Variants in FBXL17 observed in about 807,000 individuals in gnomAD.
FBXL17 encodes the protein F-box/LRR-repeat protein 17.
Under a neutral mutation model 66.2 loss-of-function variants are expected in FBXL17, and 22 were observed. That is an observed-to-expected ratio of 0.33 (90% CI 0.24 to 0.47). The LOEUF is 0.47. Among genes scored for constraint, FBXL17 ranks in the 20% least tolerant of loss-of-function variants. The pLI is 1.00. For missense variants in FBXL17, 878 were observed against 948.2 expected (o/e 0.93, Z 0.97); for synonymous variants, 474 against 400.5 (o/e 1.18, Z -2.19).
chr5:108,130,664 T>C (rs1336585224), intron 6 of FBXL17, among the ~76,000 whole-genome samples: 5 of 152,062 alleles, frequency 3.3e-5, no homozygotes, highest in East Asian at 1.9e-4. Flanking sequence ...TCTAGGTTGA[T>C]AGATGTTAAA....
intron 4 of FBXL17, among the ~76,000 whole-genome samples, chr5:108,274,129 A>T (rs933535613): frequency 5.9e-5 from 9 of 152,240 alleles, no homozygotes; most frequent in African/African-American, 2.2e-4. Context: ...ATTGTCATTG[A>T]TAACATCTTA....
chr5:107,880,783 A>C (rs1748762570), intron 8 of FBXL17: 2 of 1,326,824 alleles, frequency 1.5e-6, no homozygotes, highest in Non-Finnish European at 1.9e-6. Flanking sequence ...ACTCTAGTTG[A>C]CTATGTATAT....
At chr5:108,020,673 A>AGT in intron 7 of FBXL17, 1 of 275,924 alleles carries the variant, frequency 3.6e-6, no homozygotes, top group Non-Finnish European at 6.8e-6. Context: ...ATTTTGTGTG[A>AGT]GTGTGTGTGT....
intron 7 of FBXL17, among the ~76,000 whole-genome samples, chr5:107,896,627 TA>T (rs1408073333): frequency 1.3e-5 from 2 of 152,182 alleles, no homozygotes; most frequent in East Asian, 3.9e-4. Flanking sequence ...TCATGGGACA[TA>T]TACAACATGC....
intron 6 of FBXL17, among the ~76,000 whole-genome samples, chr5:108,160,974 C>A (rs191296125): frequency 6.6e-6 from 1 of 152,148 alleles, no homozygotes; most frequent in East Asian, 1.9e-4. Context: ...TGCTTTTGGG[C>A]CTCTGAGAAG....
chr5:108,009,194 CAT>C lies in FBXL17; in HGVS notation c.1822+11729_1822+11730del, dbSNP rs373679985. 3.2e-3 allele frequency among the ~76,000 whole-genome samples: 171 copies of C among 54,100 alleles called. 1 individual carries two copies. Among genetic ancestry groups the C allele is most frequent in the South Asian group, 9.7e-3 (11 of 1,136 alleles). The allele number at this position is 54,100 out of a possible 152,430, so 35.5% of individuals were successfully genotyped here. A position where few individuals can be genotyped will look rare whatever the true frequency, so the allele number is the denominator to read the frequency against. ...GTATGAACATAGTTCATTTGAAAAG[CAT>C]ATATATATATATATATATATATATA... On this transcript the variant is annotated intron_variant, in intron 7 of 8. Transcript: ENST00000542267.
chr5:107,992,039 T>A (rs1753270981), intron 7 of FBXL17, among the ~76,000 whole-genome samples: 1 of 152,126 alleles, frequency 6.6e-6, no homozygotes, highest in Non-Finnish European at 1.5e-5. Flanking sequence ...CCTGTTCACA[T>A]CTAAAATATT....
chr5:108,094,149 C>T (rs367585527), intron 6 of FBXL17, among the ~76,000 whole-genome samples: 7 of 152,218 alleles, frequency 4.6e-5, no homozygotes, highest in South Asian at 4.1e-4. Flanking sequence ...AGGCACAAAA[C>T]GCAATCTATA....
At chr5:107,880,467 C>T (rs1748750678) in intron 8 of FBXL17, 9 of 992,948 alleles carry the variant, frequency 9.1e-6, no homozygotes, top group Non-Finnish European at 1.1e-5. Flanking sequence ...TTCTACAGGC[C>T]TTCCACCAGG....
chr5:107,926,653 A>G (rs960571224), intron 7 of FBXL17, among the ~76,000 whole-genome samples: 1 of 151,840 alleles, frequency 6.6e-6, no homozygotes, highest in African/African-American at 2.4e-5. Flanking sequence ...TAGCTAGCCT[A>G]TGATAGGGAA....
At chr5:108,358,248 C>T (rs917152660) in intron 3 of FBXL17, among the ~76,000 whole-genome samples, 79 of 152,128 alleles carry the variant, frequency 5.2e-4, no homozygotes, top group African/African-American at 1.9e-3. Context: ...GCATTCTTGT[C>T]TTATTCTTGA....
At chr5:108,354,442 C>A (rs1167493035) in intron 3 of FBXL17, among the ~76,000 whole-genome samples, 1 of 150,940 alleles carries the variant, frequency 6.6e-6, no homozygotes, top group African/African-American at 2.4e-5. Context: ...AACTGAAAAT[C>A]AGGAGAAAAA....
chr5:108,061,243 T>C (rs143462367), intron 6 of FBXL17, among the ~76,000 whole-genome samples: 152 of 151,974 alleles, frequency 1.0e-3, no homozygotes, highest in Non-Finnish European at 1.8e-3. Context: ...GCTGAGATCA[T>C]GCCATTGCAC....
chr5:108,314,399 C>A (rs1283110472), intron 4 of FBXL17, among the ~76,000 whole-genome samples: 1 of 151,514 alleles, frequency 6.6e-6, no homozygotes, highest in Non-Finnish European at 1.5e-5. Flanking sequence ...TCTGTGAAAA[C>A]ATAAAATTCC....
chr5:108,093,154 C>T (rs553049350), intron 6 of FBXL17, among the ~76,000 whole-genome samples: 1 of 151,776 alleles, frequency 6.6e-6, no homozygotes, highest in African/African-American at 2.4e-5. Flanking sequence ...TATTAAAATT[C>T]AATGTTTATA....
intron 6 of FBXL17, among the ~76,000 whole-genome samples, chr5:108,039,366 T>C (rs1403481997): frequency 6.6e-6 from 1 of 152,032 alleles, no homozygotes; most frequent in Non-Finnish European, 1.5e-5. Flanking sequence ...CTAGAGGCTG[T>C]TCCAAAAGCT....
intron 7 of FBXL17, among the ~76,000 whole-genome samples, chr5:107,940,640 A>G (rs1751060600): frequency 6.6e-6 from 1 of 152,130 alleles, no homozygotes; most frequent in Admixed American, 6.6e-5. Context: ...TGTACAGGAG[A>G]GTAGCATGAG....
chr5:108,113,447 T>C (rs1750119477), intron 6 of FBXL17, among the ~76,000 whole-genome samples: 1 of 152,144 alleles, frequency 6.6e-6, no homozygotes, highest in South Asian at 2.1e-4. Context: ...CACATATATA[T>C]ATATAAATAA....
intron 4 of FBXL17, among the ~76,000 whole-genome samples, chr5:108,272,326 A>G (rs960933482): frequency 6.6e-6 from 1 of 151,454 alleles, no homozygotes; most frequent in Non-Finnish European, 1.5e-5. Flanking sequence ...TTAAAAAATA[A>G]AGAAAAGCAA....
Sources: gnomAD v4.1 joint callset for allele counts (sites outside exome capture counted in the v4.1 genomes callset) on GRCh38, gnomAD v4.1.1 for gene constraint, MANE v1.5 for transcripts, NCBI Gene and HGNC (gene_info 2026-07-23, HGNC 2026-07-21) for gene names.